KCNAB1: variants seen among roughly 807,000 people sequenced by gnomAD.
KCNAB1 encodes the protein voltage-gated potassium channel subunit beta-1.
A neutral mutation model predicts 64.6 loss-of-function variants in KCNAB1; 35 were observed. The ratio of observed to expected loss-of-function variants is 0.54; its 90% CI spans 0.41 to 0.72. KCNAB1 has a LOEUF of 0.72. KCNAB1 is among the 30% of genes least tolerant of loss of function. The pLI is 0.00. For missense variants in KCNAB1, 401 were observed against 512.9 expected (o/e 0.78, Z 2.11); for synonymous variants, 177 against 183.8 (o/e 0.96, Z 0.30).
At chr3:156,493,997 T>G (rs1715824412) in intron 8 of KCNAB1, among the ~76,000 whole-genome samples, 1 of 152,134 alleles carries the variant, frequency 6.6e-6, no homozygotes, top group African/African-American at 2.4e-5. Flanking sequence ...TAGTAATTAA[T>G]AAGTCTCTTT....
At chr3:156,297,791 C>T (rs1022166232) in intron 1 of KCNAB1, among the ~76,000 whole-genome samples, 2 of 151,352 alleles carry the variant, frequency 1.3e-5, no homozygotes, top group Non-Finnish European at 3.0e-5. Context: ...TGCTCGTGTG[C>T]GTGTGTGTGT....
At chr3:156,505,459 G>A (rs960687249) in intron 8 of KCNAB1, among the ~76,000 whole-genome samples, 1 of 152,110 alleles carries the variant, frequency 6.6e-6, no homozygotes, top group Non-Finnish European at 1.5e-5. Flanking sequence ...AATTTTGATA[G>A]GGATTACATT....
chr3:156,277,239 C>A (rs145027999), intron 1 of KCNAB1, among the ~76,000 whole-genome samples: 134 of 152,052 alleles, frequency 8.8e-4, no homozygotes, highest in Non-Finnish European at 1.2e-3. Flanking sequence ...ATTGTGGCAC[C>A]CAAAACAATG....
At chr3:156,516,047 C>A (rs1025343820) in intron 10 of KCNAB1, among the ~76,000 whole-genome samples, 4 of 150,778 alleles carry the variant, frequency 2.7e-5, no homozygotes, top group African/African-American at 1.0e-4. Flanking sequence ...TATGCACTCC[C>A]AAGAACTGAC....
At chr3:156,338,139 A>G (rs1194470294) in intron 1 of KCNAB1, among the ~76,000 whole-genome samples, 1 of 152,086 alleles carries the variant, frequency 6.6e-6, no homozygotes, top group African/African-American at 2.4e-5. Context: ...GGAAGGATTC[A>G]CAAATCTGGT....
intron 1 of KCNAB1, among the ~76,000 whole-genome samples, chr3:156,420,156 C>T (rs558055637): frequency 2.0e-5 from 3 of 152,318 alleles, no homozygotes; most frequent in South Asian, 4.1e-4. Flanking sequence ...CACCAGAAAT[C>T]GCTATGCCTT....
At chr3:156,347,104 G>C (rs945543119) in intron 1 of KCNAB1, among the ~76,000 whole-genome samples, 4 of 152,122 alleles carry the variant, frequency 2.6e-5, no homozygotes, top group South Asian at 2.1e-4. Flanking sequence ...AATTTATTAC[G>C]CTTAAGGTTA....
chr3:156,274,537 A>G (rs1719226061), intron 1 of KCNAB1, among the ~76,000 whole-genome samples: 5 of 152,022 alleles, frequency 3.3e-5, no homozygotes, highest in Admixed American at 6.6e-5. Context: ...TAGGAAATTT[A>G]TTTGACAAAA....
At chr3:156,137,798 C>CACCT (rs1223723779) in intron 1 of KCNAB1, among the ~76,000 whole-genome samples, 93 of 151,776 alleles carry the variant, frequency 6.1e-4, no homozygotes, top group African/African-American at 2.0e-3. Context: ...TCAGATGATC[C>CACCT]ACCTACCTCG....
At chr3:156,521,969 C>G (rs1401145831) in intron 11 of KCNAB1, among the ~76,000 whole-genome samples, 3 of 128,122 alleles carry the variant, frequency 2.3e-5, no homozygotes, top group Non-Finnish European at 5.2e-5. Context: ...TTTTTTTTTA[C>G]TTTTGGAAGT....
intron 1 of KCNAB1, among the ~76,000 whole-genome samples, chr3:156,285,896 A>G (rs911376216): frequency 1.3e-5 from 2 of 152,266 alleles, no homozygotes; most frequent in African/African-American, 4.8e-5. Flanking sequence ...GAGGTCTGCT[A>G]TATCAGAGTG....
chr3:156,242,530 C>G (rs1002600851), intron 1 of KCNAB1, among the ~76,000 whole-genome samples: 2 of 152,066 alleles, frequency 1.3e-5, no homozygotes, highest in Non-Finnish European at 2.9e-5. Context: ...TTGTATCTCT[C>G]TCTTTTATAC....
chr3:156,493,394 T>C (rs1294362920), intron 8 of KCNAB1, among the ~76,000 whole-genome samples: 1 of 152,142 alleles, frequency 6.6e-6, no homozygotes, highest in Non-Finnish European at 1.5e-5. Context: ...AATTATATTA[T>C]CCTTTTTGGA....
chr3:156,475,774 T>A (rs1427540733), intron 8 of KCNAB1, among the ~76,000 whole-genome samples: 1 of 152,222 alleles, frequency 6.6e-6, no homozygotes, highest in African/African-American at 2.4e-5. Context: ...ATAGAAGGGT[T>A]ATAGTAATGG....
At chr3:156,500,267 G>C (rs1324475437) in intron 8 of KCNAB1, among the ~76,000 whole-genome samples, 2 of 152,274 alleles carry the variant, frequency 1.3e-5, no homozygotes, top group Middle Eastern at 3.4e-3. Flanking sequence ...AACCAGCCTG[G>C]GGATAGCAGA....
At chr3:156,391,167 A>G (rs1037289800) in intron 1 of KCNAB1, among the ~76,000 whole-genome samples, 32 of 152,294 alleles carry the variant, frequency 2.1e-4, no homozygotes, top group African/African-American at 7.7e-4. Context: ...GAGTGGCAAG[A>G]AAGTTTCTGG....
chr3:156,141,749 A>T (rs1482284684), intron 1 of KCNAB1, among the ~76,000 whole-genome samples: 1 of 152,204 alleles, frequency 6.6e-6, no homozygotes, highest in Non-Finnish European at 1.5e-5. Flanking sequence ...TTTTCATGTG[A>T]ACATAAGTTT....
At chr3:156,200,287 G>C (rs1171882946) in intron 1 of KCNAB1, among the ~76,000 whole-genome samples, 1 of 152,222 alleles carries the variant, frequency 6.6e-6, no homozygotes, top group Non-Finnish European at 1.5e-5. Flanking sequence ...CTCCCAGTTA[G>C]GAGGCATGGG....
At chr3:156,328,055 T>C (rs1412872453) in intron 1 of KCNAB1, among the ~76,000 whole-genome samples, 1 of 152,092 alleles carries the variant, frequency 6.6e-6, no homozygotes, top group Admixed American at 6.6e-5. Context: ...ACAGCCAACA[T>C]TCCTTCCCAT....
Sources: allele counts gnomAD v4.1 joint callset (sites outside exome capture counted in the v4.1 genomes callset), GRCh38; gene constraint gnomAD v4.1.1; transcripts MANE v1.5; gene names NCBI Gene and HGNC (gene_info 2026-07-23, HGNC 2026-07-21).